CSMD1: variants seen among roughly 807,000 people sequenced by gnomAD.
The protein encoded by CSMD1 is CUB and sushi domain-containing protein 1.
CSMD1 carries 213 observed loss-of-function variants against 417.5 expected under a neutral mutation model. The ratio of observed to expected loss-of-function variants is 0.51; its 90% CI spans 0.46 to 0.57. The LOEUF is 0.57. Among genes scored for constraint, CSMD1 ranks in the 20% least tolerant of loss-of-function variants. CSMD1 has a pLI of 0.00. For synonymous variants in CSMD1, 2,862 were observed against 1,736.8 expected, an observed-to-expected ratio of 1.65 and a Z score of -16.11; for missense variants, 6,923 against 4,529.7, an observed-to-expected ratio of 1.53 and a Z score of -15.17.
intron 8 of CSMD1, among the ~76,000 whole-genome samples, chr8:3,612,766 G>T (rs1054233613): frequency 6.6e-6 from 1 of 152,070 alleles, no homozygotes; most frequent in African/African-American, 2.4e-5. Context: ...TTGAAGAGAT[G>T]CAGCCAAAGC....
At chr8:3,926,511 TA>T (rs1809740949) in intron 5 of CSMD1, among the ~76,000 whole-genome samples, 1 of 151,914 alleles carries the variant, frequency 6.6e-6, no homozygotes, top group South Asian at 2.1e-4. Context: ...AATTCTTTAT[TA>T]TTTTTCACTT....
chr8:3,844,817 T>G (rs890875265), intron 5 of CSMD1, among the ~76,000 whole-genome samples: 1 of 152,124 alleles, frequency 6.6e-6, no homozygotes, highest in Non-Finnish European at 1.5e-5. Context: ...TCAGAACAGA[T>G]TTTGTTTTTG....
At chr8:2,995,714 G>C (rs1257676765) in intron 54 of CSMD1, among the ~76,000 whole-genome samples, 1 of 152,078 alleles carries the variant, frequency 6.6e-6, no homozygotes, top group Non-Finnish European at 1.5e-5. Flanking sequence ...CTACTCCACA[G>C]GAAAAAGGGA....
intron 4 of CSMD1, among the ~76,000 whole-genome samples, chr8:4,026,726 T>C (rs560872105): frequency 6.6e-4 from 101 of 152,354 alleles, no homozygotes; most frequent in African/African-American, 2.3e-3. Context: ...GACTTCTTTT[T>C]TCCTTAAAGA....
At chr8:3,314,053 A>G (rs1481836423) in intron 23 of CSMD1, among the ~76,000 whole-genome samples, 5 of 150,192 alleles carry the variant, frequency 3.3e-5, no homozygotes, top group African/African-American at 1.2e-4. Context: ...TCTCACTCAT[A>G]GGTGGGAATT....
At chr8:3,014,919 C>A (rs1585152459) in intron 52 of CSMD1, among the ~76,000 whole-genome samples, 2 of 151,768 alleles carry the variant, frequency 1.3e-5, no homozygotes, top group Non-Finnish European at 2.9e-5. Context: ...CTGTCTCAAA[C>A]ATAATTAAAT....
intron 5 of CSMD1, among the ~76,000 whole-genome samples, chr8:3,842,454 T>C (rs990477604): frequency 1.1e-4 from 16 of 152,186 alleles, no homozygotes; most frequent in African/African-American, 3.6e-4. Context: ...TAAATGATTT[T>C]ATTCTCATTG....
intron 7 of CSMD1, among the ~76,000 whole-genome samples, chr8:3,705,967 G>T (rs967078971): frequency 5.9e-5 from 9 of 152,340 alleles, no homozygotes; most frequent in African/African-American, 2.2e-4. Flanking sequence ...TATCAAGAAC[G>T]TAAAGCACTT....
chr8:4,402,865 G>C (rs945318639), intron 3 of CSMD1, among the ~76,000 whole-genome samples: 15 of 133,322 alleles, frequency 1.1e-4, no homozygotes, highest in Non-Finnish European at 2.1e-4. Context: ...CTGTTGCCAG[G>C]CTGGAGTGCA....
rs139731757 is a variant in CSMD1 at position 3,547,587 on chromosome 8, T to C, written c.1344+27358A>G. 2.4e-4 allele frequency among the ~76,000 whole-genome samples: 37 copies of C among 152,330 alleles called. No homozygotes were observed. The East Asian group carries it at 7.1e-3, about 29-fold the overall frequency. On this transcript the variant is annotated intron_variant, in intron 10 of 69. Coordinates refer to ENST00000635120, the MANE Select transcript of CSMD1 (RefSeq NM_033225.6). ...GTTTTAGGCTTTATTTTTATTTACA[T>C]TGCTTTACTATTTAAATATTAAGTT... is the stretch of plus-strand genomic sequence containing the variant.
intron 3 of CSMD1, among the ~76,000 whole-genome samples, chr8:4,300,277 C>G (rs930194783): frequency 2.6e-4 from 40 of 152,290 alleles, no homozygotes; most frequent in African/African-American, 8.7e-4. Flanking sequence ...ACATATTTTC[C>G]TACACTTGGG....
At chr8:4,144,173 C>T (rs1803969357) in intron 3 of CSMD1, among the ~76,000 whole-genome samples, 2 of 151,104 alleles carry the variant, frequency 1.3e-5, no homozygotes, top group East Asian at 3.9e-4. Flanking sequence ...GGGAAGACAG[C>T]ACGAATTGGC....
chr8:4,590,790 T>G (rs73659111), intron 2 of CSMD1, among the ~76,000 whole-genome samples: 2,178 of 152,276 alleles, frequency 0.014, 53 homozygotes, highest in African/African-American at 0.05. Flanking sequence ...TTTTGGAAAT[T>G]TTTTTCCTAA....
Position 4,137,308 on chromosome 8 carries a change from G to C in CSMD1, c.416-105209C>G, listed in dbSNP as rs138133347. 2.8e-3 allele frequency among the ~76,000 whole-genome samples: 432 copies of C among 152,282 alleles called. 2 individuals carry two copies. The highest frequency in any genetic ancestry group is 9.9e-3 in the African/African-American group (413 of 41,538). On this transcript the variant is annotated intron_variant, in intron 3 of 69. Coordinates refer to ENST00000635120, the MANE Select transcript of CSMD1 (RefSeq NM_033225.6). Reference sequence around the variant, plus strand: ...ATTTTAATCAAAATAGGACGTGTCAGTGGCACTCAGGCTAACCTTGCAGGC... The same window carrying C: ...ATTTTAATCAAAATAGGACGTGTCACTGGCACTCAGGCTAACCTTGCAGGC...
chr8:4,273,929 T>G (rs1055990886), intron 3 of CSMD1, among the ~76,000 whole-genome samples: 1 of 152,186 alleles, frequency 6.6e-6, no homozygotes, highest in Non-Finnish European at 1.5e-5. Context: ...GGATTACTTT[T>G]CTATGGAGGC....
chr8:3,887,181 T>A (rs1403598), intron 5 of CSMD1, among the ~76,000 whole-genome samples: 143,263 of 152,110 alleles, frequency 0.94, 67,552 homozygotes, highest in Middle Eastern at 0.98. Context: ...GCTGCTGAAG[T>A]GTTCAAGCGC....
At chr8:4,130,437 T>A (rs536680706) in intron 3 of CSMD1, among the ~76,000 whole-genome samples, 1 of 152,188 alleles carries the variant, frequency 6.6e-6, no homozygotes, top group Non-Finnish European at 1.5e-5. Context: ...CTCAGTTTAG[T>A]GCAAAAATTT....
intron 50 of CSMD1, among the ~76,000 whole-genome samples, chr8:3,034,807 G>C (rs942171530): frequency 7.9e-5 from 12 of 152,122 alleles, no homozygotes; most frequent in African/African-American, 2.9e-4. Context: ...TATAGACTAG[G>C]GAATAAGATA....
intron 2 of CSMD1, among the ~76,000 whole-genome samples, chr8:4,614,389 A>G (rs1236301359): frequency 6.6e-6 from 1 of 152,150 alleles, no homozygotes; most frequent in East Asian, 1.9e-4. Context: ...TTGACAGAAA[A>G]CAGTCCAGAT....
Sources: allele counts gnomAD v4.1 joint callset (sites outside exome capture counted in the v4.1 genomes callset), GRCh38; gene constraint gnomAD v4.1.1; transcripts MANE v1.5; gene names NCBI Gene and HGNC (gene_info 2026-07-23, HGNC 2026-07-21).